PTPRD: variants seen among roughly 807,000 people sequenced by gnomAD.
The protein encoded by PTPRD is protein tyrosine phosphatase receptor type D, also known as receptor-type tyrosine-protein phosphatase delta.
Under a neutral mutation model 214.5 loss-of-function variants are expected in PTPRD, and 34 were observed. The observed-to-expected ratio is 0.16, with a 90% confidence interval of 0.12 to 0.21. PTPRD has a LOEUF of 0.21. Ranked by LOEUF, PTPRD falls within the 10% of genes least tolerant of loss-of-function variation. PTPRD has a pLI of 1.00. For missense variants in PTPRD, 2,545 were observed against 2,398.7 expected (o/e 1.06, Z -1.27); for synonymous variants, 1,128 against 845.7 (o/e 1.33, Z -5.79).
At chr9:10,324,253 A>G (rs758828850) in intron 3 of PTPRD, among the ~76,000 whole-genome samples, 1 of 152,058 alleles carries the variant, frequency 6.6e-6, no homozygotes, top group Non-Finnish European at 1.5e-5. Context: ...AGATGCTTTG[A>G]TAGCCCACCC....
Position 9,845,104 on chromosome 9 carries a change from T to C in PTPRD, c.-367-78253A>G, listed in dbSNP as rs1318055063. 1.8e-5 allele frequency among the ~76,000 whole-genome samples: 2 copies of C among 109,432 alleles called. 1 individual carries two copies. The highest frequency in any genetic ancestry group is 3.5e-5 in the Non-Finnish European group (2 of 56,892). The allele number at this position is 109,432 out of a possible 152,430, so 71.8% of individuals were successfully genotyped here. The stretch of plus-strand genomic sequence containing the variant: ...TCTATATATATAGCTATATATATAC[T>C]GCTATATATATTGCTCTATATATAG... On this transcript the variant is annotated intron_variant, in intron 5 of 45. Coordinates refer to ENST00000381196, the MANE Select transcript of PTPRD (RefSeq NM_002839.4).
At chr9:10,452,524 G>A (rs1374894907) in intron 2 of PTPRD, among the ~76,000 whole-genome samples, 2 of 151,768 alleles carry the variant, frequency 1.3e-5, no homozygotes, top group African/African-American at 4.8e-5. Context: ...TAACATGTGG[G>A]AAGGAATATC....
intron 9 of PTPRD, among the ~76,000 whole-genome samples, chr9:9,387,999 G>A (rs1236421168): frequency 6.6e-6 from 1 of 152,108 alleles, no homozygotes; most frequent in South Asian, 2.1e-4. Flanking sequence ...AAGGACAGAG[G>A]GATTTCTGTA....
intron 22 of PTPRD, among the ~76,000 whole-genome samples, chr9:8,506,446 T>G (rs111662473): frequency 0.012 from 1,806 of 152,330 alleles, 20 homozygotes; most frequent in Non-Finnish European, 0.021. Flanking sequence ...TTCTATCATG[T>G]ATTCAAACTG....
At chr9:10,104,117 A>C (rs2098599917) in intron 3 of PTPRD, among the ~76,000 whole-genome samples, 1 of 151,750 alleles carries the variant, frequency 6.6e-6, no homozygotes, top group Non-Finnish European at 1.5e-5. Context: ...CAGAGTAGTC[A>C]AAGTCATAGA....
At chr9:8,372,140 T>A (rs1341624276) in intron 39 of PTPRD, among the ~76,000 whole-genome samples, 1 of 152,060 alleles carries the variant, frequency 6.6e-6, no homozygotes, top group South Asian at 2.1e-4. Context: ...AAAAGTCTCA[T>A]GGGATTGCCA....
chr9:8,940,287 T>TTTTTG (rs2099024486), intron 11 of PTPRD, among the ~76,000 whole-genome samples: 2 of 125,434 alleles, frequency 1.6e-5, no homozygotes, highest in Non-Finnish European at 3.4e-5. Context: ...CTCCTTTTTT[T>TTTTTG]TTTTTTTTTT....
chr9:8,536,346 GA>G (rs1234593465), intron 14 of PTPRD, among the ~76,000 whole-genome samples: 1 of 151,676 alleles, frequency 6.6e-6, no homozygotes. Flanking sequence ...CAAGTTCCAT[GA>G]GATGTAATAA....
At chr9:9,754,107 C>T (rs377535784) in intron 6 of PTPRD, among the ~76,000 whole-genome samples, 1 of 152,012 alleles carries the variant, frequency 6.6e-6, no homozygotes, top group Non-Finnish European at 1.5e-5. Context: ...TAAATATGCT[C>T]AGTAAAAACT....
chr9:9,070,406 G>C (rs960228392), intron 10 of PTPRD, among the ~76,000 whole-genome samples: 1 of 151,920 alleles, frequency 6.6e-6, no homozygotes, highest in African/African-American at 2.4e-5. Flanking sequence ...ATTTTTCTTT[G>C]AGCATAGGTA....
At chr9:10,276,161 T>C (rs2094678311) in intron 3 of PTPRD, among the ~76,000 whole-genome samples, 1 of 152,210 alleles carries the variant, frequency 6.6e-6, no homozygotes, top group Non-Finnish European at 1.5e-5. Flanking sequence ...AACAGTCATT[T>C]CAAAAAATAA....
chr9:9,503,320 G>C (rs182519310), intron 8 of PTPRD, among the ~76,000 whole-genome samples: 1 of 150,688 alleles, frequency 6.6e-6, no homozygotes, highest in East Asian at 2.0e-4. Flanking sequence ...TATAGGTCTT[G>C]AATCACAGCA....
At chr9:9,456,266 T>C (rs1166019058) in intron 8 of PTPRD, among the ~76,000 whole-genome samples, 1 of 151,852 alleles carries the variant, frequency 6.6e-6, no homozygotes, top group Non-Finnish European at 1.5e-5. Flanking sequence ...TGGACTGATC[T>C]GATTATTGAA....
At chr9:9,803,422 A>G (rs554700211) in intron 5 of PTPRD, among the ~76,000 whole-genome samples, 1 of 151,994 alleles carries the variant, frequency 6.6e-6, no homozygotes, top group African/African-American at 2.4e-5. Flanking sequence ...CAATTCAGAA[A>G]TAATTATTTA....
intron 3 of PTPRD, among the ~76,000 whole-genome samples, chr9:10,289,209 A>T (rs2095457366): frequency 6.6e-6 from 1 of 152,152 alleles, no homozygotes; most frequent in African/African-American, 2.4e-5. Flanking sequence ...CAACCTTCTT[A>T]TTTATGGACT....
chr9:8,585,160 G>T (rs978874871), intron 14 of PTPRD, among the ~76,000 whole-genome samples: 1 of 152,046 alleles, frequency 6.6e-6, no homozygotes, highest in African/African-American at 2.4e-5. Context: ...AATTTTCAAC[G>T]TAGATCTTCA....
chr9:9,248,093 A>AT (rs1488910427), intron 9 of PTPRD, among the ~76,000 whole-genome samples: 102 of 151,688 alleles, frequency 6.7e-4, no homozygotes, highest in African/African-American at 2.3e-3. Context: ...GTTATCTATT[A>AT]TTATTTTTTT....
rs544148517 is a variant in PTPRD at position 10,576,819 on chromosome 9, C to A, written c.-600+35579G>T. On this transcript the variant is annotated intron_variant, in intron 2 of 45. Transcript: ENST00000381196. ...CAAATATAAAATAAACATTTGTGAA[C>A]AAAAAATTAACCAAGTTAAATACAT... Among the ~76,000 whole-genome samples, 39 of 152,116 alleles carry A rather than the reference C, an allele frequency of 2.6e-4. No homozygotes were observed. The East Asian group carries it at 6.6e-3, about 26-fold the overall frequency.
At position 9,705,349 on chromosome 9, in the gene PTPRD, G is replaced by A. The variant is rs187104162; in HGVS notation, c.-287+29184C>T. ...TTAATTAGATGGAGAATTAAGCCAAGGAAGAATGCAAAGGCTGAAACCTAA... is the reference window on the plus strand; with the variant it reads ...TTAATTAGATGGAGAATTAAGCCAAAGAAGAATGCAAAGGCTGAAACCTAA... On this transcript the variant is annotated intron_variant, in intron 7 of 45. Coordinates refer to ENST00000381196, the MANE Select transcript of PTPRD (RefSeq NM_002839.4). 1.9e-3 allele frequency among the ~76,000 whole-genome samples: 287 copies of A among 152,230 alleles called. 1 individual carries two copies. The highest frequency in any genetic ancestry group is 6.7e-3 in the African/African-American group (278 of 41,546).
Sources: allele counts gnomAD v4.1 joint callset (sites outside exome capture counted in the v4.1 genomes callset), GRCh38; gene constraint gnomAD v4.1.1; transcripts MANE v1.5; gene names NCBI Gene and HGNC (gene_info 2026-07-23, HGNC 2026-07-21).